The following ARHGAP39 variants were observed in gnomAD, a reference collection of about 807,000 sequenced individuals.
ARHGAP39 encodes the protein Rho GTPase activating protein 39.
In ARHGAP39, 44 loss-of-function variants were observed where a neutral mutation model predicts 106.9. The observed-to-expected ratio is 0.41, with a 90% CI of 0.32 to 0.53. The LOEUF is 0.53. ARHGAP39 is among the 20% of genes least tolerant of loss of function. The pLI is 0.21. For missense variants in ARHGAP39, 1,496 were observed against 1,577.3 expected (o/e 0.95, Z 0.87); for synonymous variants, 768 against 693.2 (o/e 1.11, Z -1.69).
intron 1 of ARHGAP39, among the ~76,000 whole-genome samples, chr8:144,649,927 A>G (rs912363894): frequency 1.3e-5 from 2 of 151,976 alleles, no homozygotes; most frequent in Admixed American, 6.6e-5. Context: ...GGCGGATCAC[A>G]AGGTCAGGAG....
chr8:144,547,480 CG>C lies in ARHGAP39; in HGVS notation c.1605del (p.Val536Ter). On this transcript the variant is annotated frameshift_variant, in exon 5 of 12. Coordinates refer to ENST00000377307, the MANE Select transcript of ARHGAP39 (RefSeq NM_025251.3). LOFTEE classifies it high-confidence loss of function. This position sits in a 1 kb window ranked among gnomAD's most constrained non-coding sequence, Gnocchi z 5.2. ...EQPPCGTSLA[P>X]VKRAEGEAEG... ...TCGGCCTCACCTTCCGCTCGCTTCA[CG>C]GGGGCGAGGCTGGTCCCGCACGGGG... The C allele has an allele frequency of 6.5e-7, 1 of 1,536,274 alleles. No homozygotes were observed. The highest frequency in any genetic ancestry group is 8.7e-7 in the Non-Finnish European group (1 of 1,145,638).
chr8:144,636,595 T>C (rs1443685446), intron 1 of ARHGAP39, among the ~76,000 whole-genome samples: 3 of 152,204 alleles, frequency 2.0e-5, no homozygotes, highest in Non-Finnish European at 4.4e-5. Flanking sequence ...GACACAGCAT[T>C]ACCAAACCCC....
chr8:144,619,877 TGTGA>T (rs1462326860), intron 1 of ARHGAP39, among the ~76,000 whole-genome samples: 4 of 145,388 alleles, frequency 2.8e-5, no homozygotes, highest in African/African-American at 7.7e-5. Flanking sequence ...CGTGAGCCCG[TGTGA>T]GTGAGCCTGT....
At chr8:144,545,924 G>A (rs1817400891) in intron 5 of ARHGAP39, 114 bp from the exon 6 acceptor site, 1 of 881,306 alleles carries the variant, frequency 1.1e-6, no homozygotes, top group Admixed American at 2.9e-5. Context: ...AGCCAGCCAG[G>A]TGAGAGCCCT....
intron 4 of ARHGAP39, among the ~76,000 whole-genome samples, chr8:144,551,432 G>T (rs1817685692): frequency 6.6e-6 from 1 of 152,216 alleles, no homozygotes; most frequent in Non-Finnish European, 1.5e-5. Context: ...CCACGTGTGT[G>T]TGCCAAGCAC....
chr8:144,550,974 G>A (rs534962619), intron 4 of ARHGAP39, among the ~76,000 whole-genome samples: 2 of 152,360 alleles, frequency 1.3e-5, no homozygotes, highest in African/African-American at 4.8e-5. Context: ...TTATGACGAA[G>A]ATTCAACAAA....
At chr8:144,576,106 C>A (rs1451574451) in intron 3 of ARHGAP39, among the ~76,000 whole-genome samples, 1 of 151,936 alleles carries the variant, frequency 6.6e-6, no homozygotes, top group Non-Finnish European at 1.5e-5. Flanking sequence ...GTGAGGTGGG[C>A]AGATCATGAG....
intron 2 of ARHGAP39, among the ~76,000 whole-genome samples, chr8:144,595,189 A>G (rs1378428374): frequency 6.6e-6 from 1 of 152,182 alleles, no homozygotes; most frequent in Admixed American, 6.5e-5. Flanking sequence ...GTGGCAACAG[A>G]GCAAACGTCC....
chr8:144,588,235 G>A (rs980587277), intron 2 of ARHGAP39, among the ~76,000 whole-genome samples: 4 of 152,204 alleles, frequency 2.6e-5, no homozygotes, highest in Admixed American at 6.5e-5. Context: ...GACAGAGCAG[G>A]GCCGCCCCGA....
chr8:144,659,812 C>A (rs1821780411), intron 1 of ARHGAP39, among the ~76,000 whole-genome samples: 1 of 152,160 alleles, frequency 6.6e-6, no homozygotes, highest in Non-Finnish European at 1.5e-5. Flanking sequence ...CTTATTCAAG[C>A]CCCACTCTAA....
chr8:144,595,232 C>T (rs1819571303), intron 2 of ARHGAP39, among the ~76,000 whole-genome samples: 1 of 152,196 alleles, frequency 6.6e-6, no homozygotes, highest in Non-Finnish European at 1.5e-5. Context: ...AAAATGTGGC[C>T]CATCCCTACA....
intron 1 of ARHGAP39, among the ~76,000 whole-genome samples, chr8:144,614,705 G>T (rs1028459089): frequency 3.9e-5 from 6 of 152,180 alleles, no homozygotes; most frequent in Non-Finnish European, 5.9e-5. Flanking sequence ...AACTGAAAAT[G>T]TTGACTCTTG....
At chr8:144,609,193 G>A (rs1366973911) in intron 1 of ARHGAP39, among the ~76,000 whole-genome samples, 1 of 152,126 alleles carries the variant, frequency 6.6e-6, no homozygotes, top group Non-Finnish European at 1.5e-5. Flanking sequence ...TTTCATGAAT[G>A]CCTTTTGTAT....
chr8:144,572,287 C>G (rs1818614669), intron 3 of ARHGAP39, among the ~76,000 whole-genome samples: 1 of 152,138 alleles, frequency 6.6e-6, no homozygotes, highest in African/African-American at 2.4e-5. Flanking sequence ...AGCTATAGAT[C>G]AATGGAACAG....
chr8:144,658,761 G>T (rs1821756784), intron 1 of ARHGAP39, among the ~76,000 whole-genome samples: 1 of 151,848 alleles, frequency 6.6e-6, no homozygotes, highest in South Asian at 2.1e-4. Context: ...GTGCAATAAG[G>T]CAGGAAAAAG....
chr8:144,630,598 A>G (rs1022560065), intron 1 of ARHGAP39, among the ~76,000 whole-genome samples: 5 of 151,978 alleles, frequency 3.3e-5, no homozygotes, highest in Non-Finnish European at 1.5e-5. Flanking sequence ...TTCATTTCCT[A>G]TTTGCTGTGG....
intron 2 of ARHGAP39, among the ~76,000 whole-genome samples, chr8:144,583,163 C>T (rs1819060773): frequency 6.6e-6 from 1 of 152,242 alleles, no homozygotes; most frequent in Admixed American, 6.5e-5. Flanking sequence ...CCCTCCCAGC[C>T]CACAGTGGGT....
chr8:144,600,347 TGCG>T (rs1819815475), intron 2 of ARHGAP39, among the ~76,000 whole-genome samples: 1 of 149,266 alleles, frequency 6.7e-6, no homozygotes, highest in African/African-American at 2.5e-5. Flanking sequence ...AGTGTGCATG[TGCG>T]TGGAGGCATG....
chr8:144,533,064 C>T (rs1816792278), intron 9 of ARHGAP39, 62 bp downstream of exon 9: 2 of 1,557,004 alleles, frequency 1.3e-6, no homozygotes, highest in Non-Finnish European at 1.7e-6. Flanking sequence ...CTGCATGCCA[C>T]AGATGCATGG....
Sources: gnomAD v4.1 joint callset for allele counts (sites outside exome capture counted in the v4.1 genomes callset) on GRCh38, gnomAD v4.1.1 for gene constraint, Gnocchi (gnomAD v3.1) non-coding constraint, MANE v1.5 for transcripts, NCBI Gene and HGNC (gene_info 2026-07-23, HGNC 2026-07-21) for gene names.